Variants in MSRA observed in about 807,000 individuals in gnomAD.
MSRA encodes the protein methionine sulfoxide reductase A, also known as mitochondrial peptide methionine sulfoxide reductase.
Under a neutral mutation model 31.3 loss-of-function variants are expected in MSRA, and 54 were observed. That is an observed-to-expected ratio of 1.73 (90% CI 1.39 to 2.17). The LOEUF (loss-of-function observed/expected upper bound fraction) is 2.17. MSRA is among the 30% of genes most tolerant of loss of function. The pLI, the probability that MSRA is intolerant of heterozygous loss-of-function variation, is 0.00. For synonymous variants in MSRA, 169 were observed against 116.5 expected (o/e 1.45, Z -2.90); for missense variants, 507 against 300.9 (o/e 1.69, Z -5.07).
chr8:10,100,032 T>C (rs1799429624), intron 1 of MSRA, among the ~76,000 whole-genome samples: 1 of 151,968 alleles, frequency 6.6e-6, no homozygotes, highest in Non-Finnish European at 1.5e-5. Flanking sequence ...TTGTGCAGAG[T>C]TGAGGGCGCT....
At chr8:10,244,262 A>T (rs1797495057) in intron 2 of MSRA, among the ~76,000 whole-genome samples, 1 of 152,208 alleles carries the variant, frequency 6.6e-6, no homozygotes, top group Non-Finnish European at 1.5e-5. Flanking sequence ...TGTACTGGAC[A>T]GTTTAGAAAC....
chr8:10,154,638 A>G (rs1385472294), intron 1 of MSRA, among the ~76,000 whole-genome samples: 1 of 152,118 alleles, frequency 6.6e-6, no homozygotes, highest in Admixed American at 6.5e-5. Flanking sequence ...CGGCCTCCCA[A>G]AGTGCTGGGA....
Position 10,380,962 on chromosome 8 carries a change from C to T in MSRA, c.544-47186C>T, listed in dbSNP as rs117564720. On this transcript the variant is annotated intron_variant, in intron 5 of 5. Coordinates refer to ENST00000317173, the MANE Select transcript of MSRA (RefSeq NM_012331.5). Reference sequence around the variant, plus strand: ...TGGGAGGGAGGCATGGATAGATGGACGGATGGGTAGAAGGATGGATGGATG... The same window carrying T: ...TGGGAGGGAGGCATGGATAGATGGATGGATGGGTAGAAGGATGGATGGATG... 7.6e-4 allele frequency among the ~76,000 whole-genome samples: 115 copies of T among 150,636 alleles called. 1 individual carries two copies. The East Asian group carries it at 0.02, about 27-fold the overall frequency.
At chr8:10,291,560 G>T (rs1800238139) in intron 3 of MSRA, among the ~76,000 whole-genome samples, 1 of 151,986 alleles carries the variant, frequency 6.6e-6, no homozygotes. Flanking sequence ...CTATCCGCAG[G>T]AGCTGGAGAT....
intron 1 of MSRA, among the ~76,000 whole-genome samples, chr8:10,145,322 T>A (rs183969710): frequency 9.0e-4 from 137 of 152,292 alleles, no homozygotes; most frequent in Non-Finnish European, 1.7e-3. Flanking sequence ...GGCCAACTGA[T>A]AAAGGATGGA....
chr8:10,079,991 G>A (rs1270341159), intron 1 of MSRA, among the ~76,000 whole-genome samples: 1 of 152,178 alleles, frequency 6.6e-6, no homozygotes, highest in Non-Finnish European at 1.5e-5. Flanking sequence ...GTTACGCTTA[G>A]CACTTTCTCT....
At chr8:10,390,995 A>C (rs1806710017) in intron 5 of MSRA, among the ~76,000 whole-genome samples, 1 of 149,166 alleles carries the variant, frequency 6.7e-6, no homozygotes, top group Non-Finnish European at 1.5e-5. Context: ...AAAAAAAAAC[A>C]GCACAAGGTG....
At chr8:10,070,057 G>A (rs1008416386) in intron 1 of MSRA, among the ~76,000 whole-genome samples, 20 of 152,206 alleles carry the variant, frequency 1.3e-4, no homozygotes, top group African/African-American at 4.1e-4. Context: ...GCCAGGTTAT[G>A]TAATGCTTTT....
intron 4 of MSRA, among the ~76,000 whole-genome samples, chr8:10,302,154 A>T (rs1027696879): frequency 1.3e-5 from 2 of 152,110 alleles, no homozygotes; most frequent in Non-Finnish European, 1.5e-5. Flanking sequence ...TAAATATTTC[A>T]TTTGTTCTCT....
intron 5 of MSRA, among the ~76,000 whole-genome samples, chr8:10,381,892 A>G (rs201761616): frequency 1.3e-5 from 2 of 151,214 alleles, no homozygotes; most frequent in South Asian, 4.2e-4. Flanking sequence ...CACCTCAGGC[A>G]CCTGCCACTC....
At chr8:10,425,222 C>T (rs1319476192) in intron 5 of MSRA, among the ~76,000 whole-genome samples, 1 of 152,204 alleles carries the variant, frequency 6.6e-6, no homozygotes, top group East Asian at 1.9e-4. Context: ...CCGGTGGCCG[C>T]CACCTCTATC....
chr8:10,107,444 G>C (rs1455791115), intron 1 of MSRA, among the ~76,000 whole-genome samples: 2 of 152,012 alleles, frequency 1.3e-5, no homozygotes, highest in Non-Finnish European at 2.9e-5. Context: ...TGTGGTACTC[G>C]TACTCAGTGC....
intron 5 of MSRA, among the ~76,000 whole-genome samples, chr8:10,361,747 C>G (rs1804858537): frequency 1.3e-5 from 2 of 152,172 alleles, no homozygotes; most frequent in African/African-American, 2.4e-5. Context: ...GAGGCACCTA[C>G]TTAAAGTAAC....
chr8:10,060,813 G>T (rs757799853), intron 1 of MSRA, among the ~76,000 whole-genome samples: 1 of 152,062 alleles, frequency 6.6e-6, no homozygotes, highest in Non-Finnish European at 1.5e-5. Context: ...TTTTATTGAA[G>T]CATCAATTGT....
intron 2 of MSRA, among the ~76,000 whole-genome samples, chr8:10,228,936 T>A (rs1811232653): frequency 6.6e-6 from 1 of 152,204 alleles, no homozygotes; most frequent in Non-Finnish European, 1.5e-5. Context: ...ACTTGCTGTT[T>A]GTAGGGAAAA....
At chr8:10,316,411 A>G (rs1333628117) in intron 4 of MSRA, among the ~76,000 whole-genome samples, 1 of 152,094 alleles carries the variant, frequency 6.6e-6, no homozygotes, top group East Asian at 1.9e-4. Flanking sequence ...GGGAGAGGGC[A>G]GGGATATGGG....
intron 2 of MSRA, 32 bp from the exon 3 acceptor site, chr8:10,245,072 G>T: frequency 6.2e-7 from 1 of 1,606,038 alleles, no homozygotes; most frequent in Non-Finnish European, 8.5e-7. Flanking sequence ...TGAATAATCA[G>T]TATCCTTTTT....
At chr8:10,077,894 G>C (rs1389341275) in intron 1 of MSRA, among the ~76,000 whole-genome samples, 1 of 152,114 alleles carries the variant, frequency 6.6e-6, no homozygotes, top group East Asian at 1.9e-4. Flanking sequence ...GTACGTTGTT[G>C]CTACAGTATT....
intron 1 of MSRA, among the ~76,000 whole-genome samples, chr8:10,141,738 A>C (rs1371457138): frequency 1.3e-5 from 2 of 150,984 alleles, no homozygotes; most frequent in Admixed American, 1.3e-4. Flanking sequence ...TTTTGTTTTA[A>C]TTTAGTTTGC....
Sources: allele counts gnomAD v4.1 joint callset (sites outside exome capture counted in the v4.1 genomes callset), GRCh38; gene constraint gnomAD v4.1.1; transcripts MANE v1.5; gene names NCBI Gene and HGNC (gene_info 2026-07-23, HGNC 2026-07-21).